The following PIK3C2A variants were observed in gnomAD, a reference collection of about 807,000 sequenced individuals.
PIK3C2A encodes the protein phosphatidylinositol-4-phosphate 3-kinase catalytic subunit type 2 alpha, also known as phosphatidylinositol 4-phosphate 3-kinase C2 domain-containing subunit alpha.
PIK3C2A carries 97 observed loss-of-function variants against 204.5 expected under a neutral mutation model. The ratio of observed to expected loss-of-function variants is 0.47; its 90% CI spans 0.40 to 0.56. The LOEUF (loss-of-function observed/expected upper bound fraction) is 0.56, where lower values mean the gene tolerates loss of function less well. PIK3C2A is among the 20% of genes least tolerant of loss of function. The probability of loss-of-function intolerance (pLI) is 0.00; values close to 1 mark genes in which losing one functional copy is unlikely to be tolerated. For missense variants in PIK3C2A, 1,735 were observed against 1,969.2 expected (o/e 0.88, Z 2.25); for synonymous variants, 653 against 664.4 (o/e 0.98, Z 0.26).
rs1849331756 is a variant in PIK3C2A, at chr11:17,120,348, T to C, written c.2658-374A>G. Among the ~76,000 whole-genome samples, 4 of 151,240 alleles carry C rather than the reference T, an allele frequency of 2.6e-5. No individual in the cohort carries two copies. The South Asian group carries it at 8.3e-4, about 32-fold the overall frequency. ...TTCGTACAAATAAAATCAAATGCTA[T>C]GAAAAAAAAAATACTACTATAAAAT... On this transcript the variant is annotated intron_variant, in intron 15 of 32. Transcript: ENST00000691414.
chr11:17,115,567 A>AG (rs1470298384), intron 19 of PIK3C2A: 3 of 148,500 alleles, frequency 2.0e-5, no homozygotes, highest in African/African-American at 7.3e-5. Flanking sequence ...AAAAAAAAAA[A>AG]CAAATATAGC....
In PIK3C2A at chr11:17,169,530, T is replaced by G; in HGVS notation, c.212A>C (p.Gln71Pro). 3 of 1,614,150 alleles carry G rather than the reference T, an allele frequency of 1.9e-6. No individual in the cohort carries two copies. The highest frequency in any genetic ancestry group is 2.5e-6 in the Non-Finnish European group (3 of 1,180,014). ...AGGAAACACCATGAGATCATAATCC[T>G]GCTTGTTATAAACCTGTGCTTTTTT... ...TRKKAQVYNK[Q>P]DYDLMVFPES... The change falls in exon 2 of 33, where the codon CAG (glutamine) becomes CCG (proline). Residue 71 changes from glutamine to proline, a missense_variant. By Grantham distance (76) the Gln-to-Pro change is moderately conservative. Around this residue, in one of 6 missense-constraint regions of PIK3C2A, gnomAD observed 536 missense variants for 546.7 expected, o/e 0.98. Transcript: ENST00000691414.
intron 18 of PIK3C2A, among the ~76,000 whole-genome samples, chr11:17,118,394 T>C (rs1565253561): frequency 6.6e-6 from 1 of 152,190 alleles, no homozygotes; most frequent in Non-Finnish European, 1.5e-5. Flanking sequence ...TAACCAGAAA[T>C]GTATTTTAAG....
Position 17,168,749 on chromosome 11 carries a change from T to C in PIK3C2A, c.993A>G (p.Ala331=), listed in dbSNP as rs1851056871. The change falls in exon 2 of 33, where the codon GCA becomes GCG. Residue 331 remains alanine, a synonymous_variant. Transcript: ENST00000691414. ...TTAAAGACTGGCTTCTTGTAACAGTTGCCACAGAAAGGGATTTTCCATTCA... is the reference window on the plus strand; with the variant it reads ...TTAAAGACTGGCTTCTTGTAACAGTCGCCACAGAAAGGGATTTTCCATTCA... ...RKVNGKSLSV[A]TVTRSQSLNI... 1 of 1,613,466 alleles carries C rather than the reference T, an allele frequency of 6.2e-7. No individual in the cohort carries two copies.
intron 17 of PIK3C2A, 146 bp downstream of exon 17, chr11:17,119,074 T>C: frequency 1.7e-6 from 1 of 598,762 alleles, no homozygotes; most frequent in Non-Finnish European, 3.0e-6. Context: ...GGGGAAAAAA[T>C]TCACACTAAA....
intron 2 of PIK3C2A, among the ~76,000 whole-genome samples, chr11:17,157,893 C>A (rs1471980): frequency 0.27 from 40,344 of 152,054 alleles, 6,068 homozygotes; most frequent in African/African-American, 0.38. Context: ...AAATCTGCCA[C>A]AATCTAATCC....
chr11:17,201,401 C>T (rs1258316993), intron 1 of PIK3C2A, among the ~76,000 whole-genome samples: 1 of 151,042 alleles, frequency 6.6e-6, no homozygotes, highest in Non-Finnish European at 1.5e-5. Context: ...GTGACGTGTG[C>T]CTGTAATCCC....
intron 1 of PIK3C2A, among the ~76,000 whole-genome samples, chr11:17,196,458 A>G (rs752381541): frequency 8.5e-5 from 13 of 152,258 alleles, no homozygotes; most frequent in Admixed American, 2.0e-4. Flanking sequence ...TGGAAATGTT[A>G]AGAAGTGGTT....
chr11:17,105,073 AC>A, intron 23 of PIK3C2A, 95 bp downstream of exon 23: 2 of 874,656 alleles, frequency 2.3e-6, no homozygotes, highest in Non-Finnish European at 3.7e-6. Flanking sequence ...AGACTAAATG[AC>A]TATTTGGTCA....
At chr11:17,095,602 A>T (rs1012830905) in intron 27 of PIK3C2A, among the ~76,000 whole-genome samples, 13 of 151,158 alleles carry the variant, frequency 8.6e-5, no homozygotes, top group African/African-American at 1.5e-4. Context: ...AAAAAATAAA[A>T]AAATAAAAAA....
chr11:17,181,921 A>G (rs530961216), intron 1 of PIK3C2A, among the ~76,000 whole-genome samples: 16 of 151,668 alleles, frequency 1.1e-4, no homozygotes, highest in Admixed American at 9.9e-4. Context: ...GAGAAACCCC[A>G]TCTCTACTAA....
Position 17,086,770 on chromosome 11 carries a change from G to A in PIK3C2A, c.*2968C>T, listed in dbSNP as rs1848174720. 6.6e-6 allele frequency: 1 copy of A among 152,036 alleles called. No individual in the cohort carries two copies. Among genetic ancestry groups the A allele is most frequent in the South Asian group, 2.1e-4 (1 of 4,822 alleles). The allele number at this position is 152,036 out of a possible 1,614,324, so 9.4% of individuals were successfully genotyped here. A position where few individuals can be genotyped will look rare whatever the true frequency, so the allele number is the denominator to read the frequency against. On this transcript the variant is annotated 3_prime_UTR_variant, in exon 33 of 33. Transcript: ENST00000691414. Reference sequence around the variant, plus strand: ...ATATGCACTGCTAGTCAAACAACATGGAAATGAATGTATGGATTATGATAG... The same window carrying A: ...ATATGCACTGCTAGTCAAACAACATAGAAATGAATGTATGGATTATGATAG...
chr11:17,135,137 TC>T lies in PIK3C2A; in HGVS notation c.1870del (p.Glu624LysfsTer20). The T allele has an allele frequency of 6.2e-7, 1 of 1,613,968 alleles. No homozygotes were observed. Among genetic ancestry groups the T allele is most frequent in the Non-Finnish European group, 8.5e-7 (1 of 1,179,970 alleles). The stretch of plus-strand genomic sequence containing the variant: ...CCTAGTTGAACTCCTGCTAGTGTCT[TC>T]TCCTCCAAACAAAGAAGTCACCTAC... ...TADVTSLFGG[E>X]DTSRSSTRGS... On this transcript the variant is annotated frameshift_variant, in exon 10 of 33. Coordinates refer to ENST00000691414, the MANE Select transcript of PIK3C2A (RefSeq NM_002645.4). LOFTEE classifies it high-confidence loss of function.
chr11:17,188,180 A>C (rs1851819803), intron 1 of PIK3C2A, among the ~76,000 whole-genome samples: 4 of 151,362 alleles, frequency 2.6e-5, no homozygotes, highest in Admixed American at 2.6e-4. Flanking sequence ...TCTACTAAAA[A>C]TACAAAAATT....
intron 2 of PIK3C2A, among the ~76,000 whole-genome samples, chr11:17,164,879 A>T (rs1482769209): frequency 6.6e-6 from 1 of 152,124 alleles, no homozygotes; most frequent in Non-Finnish European, 1.5e-5. Context: ...TTATTCCTCC[A>T]AGATACTTTC....
chr11:17,160,696 C>T lies in PIK3C2A; in HGVS notation c.1066-5067G>A, dbSNP rs115253851. 2.5e-3 allele frequency among the ~76,000 whole-genome samples: 375 copies of T among 152,126 alleles called. 2 individuals are homozygous for T. The highest frequency in any genetic ancestry group is 8.5e-3 in the African/African-American group (354 of 41,498). ...AAACTTAGCTAGGTATGATGGCATG[C>T]CCCTGTAGTCCCAGCTACTCAGGAG... is the stretch of plus-strand genomic sequence containing the variant. On this transcript the variant is annotated intron_variant, in intron 2 of 32. Transcript: ENST00000691414.
intron 6 of PIK3C2A, among the ~76,000 whole-genome samples, chr11:17,146,956 G>A (rs988056984): frequency 6.6e-6 from 1 of 151,932 alleles, no homozygotes; most frequent in African/African-American, 2.4e-5. Flanking sequence ...TTAAAAATTC[G>A]ATTTTAAGTT....
intron 1 of PIK3C2A, among the ~76,000 whole-genome samples, chr11:17,170,858 C>T (rs1346800933): frequency 6.6e-6 from 1 of 152,116 alleles, no homozygotes; most frequent in Non-Finnish European, 1.5e-5. Flanking sequence ...AATCTCAGCA[C>T]TTTGGGAGGC....
rs186180454 is a variant in PIK3C2A, at chr11:17,122,646, C to T, written c.2511+56G>A. On this transcript the variant is annotated intron_variant, in intron 14 of 32. Transcript: ENST00000691414. ...ACCCAAATCATGGTATACACACACA[C>T]ATTTTATGAAGAAATTTAAATGTAC... is the stretch of plus-strand genomic sequence containing the variant. 5 of 820,358 alleles carry T rather than the reference C, an allele frequency of 6.1e-6. No individual in the cohort carries two copies. The East Asian group carries it at 7.4e-5, about 12-fold the overall frequency. 50.8% of individuals were successfully genotyped at this position (820,358 alleles called of 1,614,324 possible). A position where few individuals can be genotyped will look rare whatever the true frequency, so the allele number is the denominator to read the frequency against.
Sources: gnomAD v4.1 joint callset for allele counts (sites outside exome capture counted in the v4.1 genomes callset) on GRCh38, gnomAD v4.1.1 for gene constraint, gnomAD v4.1.1 regional missense constraint, MANE v1.5 for transcripts, NCBI Gene and HGNC (gene_info 2026-07-23, HGNC 2026-07-21) for gene names.